Variants in CSF2RB observed in about 807,000 individuals in gnomAD.
CSF2RB encodes the protein colony stimulating factor 2 receptor subunit beta, also known as cytokine receptor common subunit beta.
A neutral mutation model predicts 67.2 loss-of-function variants in CSF2RB; 22 were observed. The ratio of observed to expected loss-of-function variants is 0.33; its 90% CI spans 0.23 to 0.47. The LOEUF (loss-of-function observed/expected upper bound fraction) is 0.47. Among genes scored for constraint, CSF2RB ranks in the 20% least tolerant of loss-of-function variants. The probability of loss-of-function intolerance (pLI) is 1.00; values close to 1 mark genes in which losing one functional copy is unlikely to be tolerated. For missense variants in CSF2RB, 1,113 were observed against 1,174.5 expected (o/e 0.95, Z 0.76); for synonymous variants, 507 against 482.9 (o/e 1.05, Z -0.65).
intron 4 of CSF2RB, among the ~76,000 whole-genome samples, chr22:36,926,785 A>G (rs890203864): frequency 6.6e-6 from 1 of 152,228 alleles, no homozygotes; most frequent in African/African-American, 2.4e-5. Flanking sequence ...TATTAGAAAG[A>G]AATATAACCT....
chr22:36,929,679 T>C lies in CSF2RB; in HGVS notation c.590T>C (p.Leu197Pro), dbSNP rs1177951167. 1 of 1,614,186 alleles carries C rather than the reference T, an allele frequency of 6.2e-7. No individual in the cohort carries two copies. The highest frequency in any genetic ancestry group is 8.5e-7 in the Non-Finnish European group (1 of 1,180,014). Reference sequence around the variant, plus strand: ...CTCTCCAACACCTCCCAGGCCACCCTGGGGCCAGAGCACCTCATGCCCAGC... The same window carrying C: ...CTCTCCAACACCTCCCAGGCCACCCCGGGGCCAGAGCACCTCATGCCCAGC... Reference protein sequence around the residue: ...ILLSNTSQATLGPEHLMPSST... With the variant: ...ILLSNTSQATPGPEHLMPSST... The change falls in exon 6 of 14, where the codon CTG (leucine) becomes CCG (proline). Residue 197 changes from leucine to proline, a missense_variant. Around this residue, in one of 2 missense-constraint regions of CSF2RB, gnomAD observed 559 missense variants for 656.5 expected, o/e 0.85. Coordinates refer to ENST00000403662, the MANE Select transcript of CSF2RB (RefSeq NM_000395.3).
intron 3 of CSF2RB, among the ~76,000 whole-genome samples, chr22:36,924,747 A>G (rs1940970085): frequency 6.6e-6 from 1 of 152,130 alleles, no homozygotes; most frequent in African/African-American, 2.4e-5. Flanking sequence ...GCCCCTGACA[A>G]GGAGGACCAC....
intron 3 of CSF2RB, among the ~76,000 whole-genome samples, chr22:36,925,069 G>C (rs369240665): frequency 6.6e-6 from 1 of 152,172 alleles, no homozygotes; most frequent in Non-Finnish European, 1.5e-5. Context: ...CCAAAGTCCC[G>C]CTCTCACCCG....
chr22:36,921,699 A>G (rs1940874501), intron 1 of CSF2RB, among the ~76,000 whole-genome samples: 2 of 152,102 alleles, frequency 1.3e-5, no homozygotes, highest in Admixed American at 1.3e-4. Flanking sequence ...GGAAGTGAGG[A>G]CATGTGTGTG....
rs778152713 is a variant in CSF2RB, at chr22:36,938,161, G to A, written c.2353G>A (p.Val785Ile). Reference protein sequence around the residue: ...RSPRSPRNNPVPPEAKSPVLN... With the variant: ...RSPRSPRNNPIPPEAKSPVLN... ...CCCCAGGTCACCAAGGAACAATCCT[G>A]TCCCCCCTGAGGCCAAAAGCCCTGT... The change falls in exon 14 of 14, where the codon GTC (valine) becomes ATC (isoleucine). Residue 785 changes from valine (V) to isoleucine (I), a missense_variant. By Grantham distance (29) the Val-to-Ile change is conservative. Coordinates refer to ENST00000403662, the MANE Select transcript of CSF2RB (RefSeq NM_000395.3). 1.2e-6 allele frequency: 2 copies of A among 1,614,058 alleles called. No homozygotes were observed. The highest frequency in any genetic ancestry group is 2.2e-5 in the East Asian group (1 of 44,862).
Position 36,936,587 on chromosome 22 carries a change from G to A in CSF2RB, c.1503G>A (p.Ser501=), listed in dbSNP as rs145912937. 1.5e-3 allele frequency: 2,398 copies of A among 1,613,462 alleles called. 5 individuals are homozygous for A. The highest frequency in any genetic ancestry group is 1.9e-3 in the Non-Finnish European group (2,206 of 1,180,006). ...AGCTTTGGCCCCCAGGCAGCATGTCGGCCTTCACTAGCGGGAGTCCCCCAC... is the reference window on the plus strand; with the variant it reads ...AGCTTTGGCCCCCAGGCAGCATGTCAGCCTTCACTAGCGGGAGTCCCCCAC... ...SAELWPPGSM[S]AFTSGSPPHQ... The change falls in exon 13 of 14, where the codon TCG becomes TCA. Residue 501 remains serine, a synonymous_variant. Transcript: ENST00000403662.
Position 36,929,423 on chromosome 22 carries a change from A to G in CSF2RB, c.413A>G (p.Asp138Gly). 6.2e-7 allele frequency: 1 copy of G among 1,614,082 alleles called. No homozygotes were observed. The highest frequency in any genetic ancestry group is 1.1e-5 in the South Asian group (1 of 91,080). Residue 138 changes from aspartate (D) to glycine (G), a missense_variant, in exon 5 of 14, where the codon GAC becomes GGC. By Grantham distance (94) the Asp-to-Gly change is moderately conservative. This residue lies in a region of CSF2RB where 559 missense variants were observed against 656.5 expected (regional missense o/e 0.85). Transcript: ENST00000403662. ...CCAGTCCAGCCTCCTGAGCCCAGGG[A>G]CCTGCAGATCAGCACCGACCAGGAC... The part of the protein sequence containing the change: ...TQHVQPPEPR[D>G]LQISTDQDHF...
rs747329056 is a variant in CSF2RB, at chr22:36,936,595, C to G, written c.1511C>G (p.Thr504Ser). 3.1e-6 allele frequency: 5 copies of G among 1,613,660 alleles called. No individual in the cohort carries two copies. The South Asian group carries it at 4.4e-5, about 14-fold the overall frequency. ...LWPPGSMSAF[T>S]SGSPPHQGPW... The stretch of plus-strand genomic sequence containing the variant: ...CCCCCAGGCAGCATGTCGGCCTTCA[C>G]TAGCGGGAGTCCCCCACACCAGGGG... The change falls in exon 13 of 14, where the codon ACT (threonine) becomes AGT (serine). Residue 504 changes from threonine to serine, a missense_variant. Thr to Ser is a moderately conservative substitution (Grantham distance 58). This residue lies in a region of CSF2RB where 554 missense variants were observed against 517.9 expected (regional missense o/e 1.07). Transcript: ENST00000403662.
At chr22:36,922,849 T>G (rs1601580935) in intron 2 of CSF2RB, 2 of 310,664 alleles carry the variant, frequency 6.4e-6, no homozygotes, top group Non-Finnish European at 1.2e-5. Flanking sequence ...AGGTGGGAGG[T>G]TGCAGGGTAG....
intron 1 of CSF2RB, among the ~76,000 whole-genome samples, chr22:36,918,704 A>G (rs78368941): frequency 0.013 from 2,008 of 152,328 alleles, 52 homozygotes; most frequent in African/African-American, 0.046. Context: ...GTTTGGCTGC[A>G]CATGGAAAAT....
intron 12 of CSF2RB, among the ~76,000 whole-genome samples, chr22:36,936,042 G>A (rs1941259283): frequency 6.6e-6 from 1 of 152,212 alleles, no homozygotes; most frequent in African/African-American, 2.4e-5. Flanking sequence ...GCTGAGCTTT[G>A]AGGGTCCCAG....
Position 36,939,478 on chromosome 22 carries a change from C to A in CSF2RB, c.*976C>A. 1 of 534,446 alleles carries A rather than the reference C, an allele frequency of 1.9e-6. No individual in the cohort carries two copies. The highest frequency in any genetic ancestry group is 1.9e-5 in the African/African-American group (1 of 53,050). The allele number at this position is 534,446 out of a possible 1,614,324, so 33.1% of individuals were successfully genotyped here. A position where few individuals can be genotyped will look rare whatever the true frequency, so the allele number is the denominator to read the frequency against. ...CCCACCGGCCACAGATGAGGGGCTG[C>A]TGATCTATGCCTGGGCCTGCACCAG... is the stretch of plus-strand genomic sequence containing the variant. On this transcript the variant is annotated 3_prime_UTR_variant, in exon 14 of 14. Coordinates refer to ENST00000403662, the MANE Select transcript of CSF2RB (RefSeq NM_000395.3).
chr22:36,916,447 T>A (rs1331675599), intron 1 of CSF2RB, among the ~76,000 whole-genome samples: 1 of 152,252 alleles, frequency 6.6e-6, no homozygotes. Flanking sequence ...TAGGCTTCTA[T>A]ACATACTTCG....
At chr22:36,916,500 A>G (rs1601573812) in intron 1 of CSF2RB, among the ~76,000 whole-genome samples, 1 of 152,156 alleles carries the variant, frequency 6.6e-6, no homozygotes, top group South Asian at 2.1e-4. Context: ...CTGTCACTAC[A>G]TTCCTTATTA....
At position 36,926,143 on chromosome 22, in the gene CSF2RB, G is replaced by A. The variant is rs770160808; in HGVS notation, c.357G>A (p.Leu119=). The A allele has an allele frequency of 1.2e-5, 20 of 1,614,170 alleles. No homozygotes were observed. The highest frequency in any genetic ancestry group is 1.7e-5 in the Non-Finnish European group (20 of 1,180,028). ...DYFSFQPDRP[L]GTRLTVTLTQ... Reference sequence around the variant, plus strand: ...TCTCATTCCAACCAGACAGGCCTCTGGGCACCCGGCTCACCGTCACTCTGA... The same window carrying A: ...TCTCATTCCAACCAGACAGGCCTCTAGGCACCCGGCTCACCGTCACTCTGA... The change falls in exon 4 of 14, where the codon CTG becomes CTA. Residue 119 remains leucine (L), a synonymous_variant. Transcript: ENST00000403662.
rs566012362 is a variant in CSF2RB, at chr22:36,938,079, C to T, written c.2271C>T (p.Gly757=). The change falls in exon 14 of 14, where the codon GGC becomes GGT. Residue 757 remains glycine, a synonymous_variant. Coordinates refer to ENST00000403662, the MANE Select transcript of CSF2RB (RefSeq NM_000395.3). ...CCAGTGGACCCCCTGGAGCCCCAGG[C>T]CCTGTGAAGTCAGGGTTTGAGGGCT... ...GLASGPPGAP[G]PVKSGFEGYV... 1.8e-3 allele frequency: 2,837 copies of T among 1,614,114 alleles called. 58 individuals are homozygous for T. In the South Asian group the frequency reaches 0.029, roughly 17 times the overall value.
chr22:36,939,225 G>A lies in CSF2RB; in HGVS notation c.*723G>A, dbSNP rs1350435137. ...CTCAGTGATGTCTGTGGGACCTCCA[G>A]TCCCTTGAGACCCCACGTCATGTAG... On this transcript the variant is annotated 3_prime_UTR_variant, in exon 14 of 14. Transcript: ENST00000403662. The A allele has an allele frequency of 1.4e-6, 1 of 702,368 alleles. No individual in the cohort carries two copies. Among genetic ancestry groups the A allele is most frequent in the Non-Finnish European group, 2.6e-6 (1 of 384,848 alleles). The allele number at this position is 702,368 out of a possible 1,614,324, so 43.5% of individuals were successfully genotyped here.
chr22:36,938,221 C>T lies in CSF2RB; in HGVS notation c.2413C>T (p.Pro805Ser), dbSNP rs146871752. The change falls in exon 14 of 14, where the codon CCA becomes TCA. Residue 805 changes from proline to serine, a missense_variant. By Grantham distance (74) the Pro-to-Ser change is moderately conservative. This residue lies in a region of CSF2RB where 554 missense variants were observed against 517.9 expected (regional missense o/e 1.07). Coordinates refer to ENST00000403662, the MANE Select transcript of CSF2RB (RefSeq NM_000395.3). ...NPGERPADVSPTSPQPEGLLV... is the reference protein window; with the variant it reads ...NPGERPADVSSTSPQPEGLLV... ...AGGGGAACGCCCGGCAGATGTGTCC[C>T]CAACATCCCCACAGCCCGAGGGCCT... 5.6e-6 allele frequency: 9 copies of T among 1,614,058 alleles called. No homozygotes were observed. In the African/African-American group the frequency reaches 1.1e-4, roughly 19 times the overall value.
At chr22:36,930,258 C>T in intron 6 of CSF2RB, 117 bp from the exon 7 acceptor site, 1 of 1,453,760 alleles carries the variant, frequency 6.9e-7, no homozygotes, top group South Asian at 1.1e-5. Flanking sequence ...AGTTTCAGCC[C>T]TGGTCTTTTG....
Sources: allele counts gnomAD v4.1 joint callset (sites outside exome capture counted in the v4.1 genomes callset), GRCh38; gene constraint gnomAD v4.1.1; regional missense constraint gnomAD v4.1.1; transcripts MANE v1.5; gene names NCBI Gene and HGNC (gene_info 2026-07-23, HGNC 2026-07-21).